The following KCNH8 variants were observed in gnomAD, a reference collection of about 807,000 sequenced individuals.
KCNH8 encodes the protein potassium voltage-gated channel subfamily H member 8, also known as voltage-gated delayed rectifier potassium channel KCNH8.
In KCNH8, 70 loss-of-function variants were observed where a neutral mutation model predicts 103.6. The observed-to-expected ratio is 0.68, with a 90% CI of 0.56 to 0.82. The LOEUF (loss-of-function observed/expected upper bound fraction) is 0.82. Ranked by LOEUF, KCNH8 falls within the 40% of genes least tolerant of loss-of-function variation. The pLI, the probability that KCNH8 is intolerant of heterozygous loss-of-function variation, is 0.00. For missense variants in KCNH8, 1,217 were observed against 1,329.9 expected (o/e 0.92, Z 1.32); for synonymous variants, 498 against 489.4 (o/e 1.02, Z -0.23).
chr3:19,380,228 T>C (rs1276201003), intron 5 of KCNH8, among the ~76,000 whole-genome samples: 2 of 152,206 alleles, frequency 1.3e-5, no homozygotes, highest in African/African-American at 2.4e-5. Flanking sequence ...GGATAAACTA[T>C]GTAAGAACCT....
intron 7 of KCNH8, among the ~76,000 whole-genome samples, chr3:19,405,384 T>G (rs555204663): frequency 2.0e-5 from 3 of 151,884 alleles, no homozygotes; most frequent in African/African-American, 7.2e-5. Flanking sequence ...TAATGTTTGA[T>G]AAGTTTTATA....
chr3:19,526,874 A>G (rs1005047411), intron 15 of KCNH8, among the ~76,000 whole-genome samples: 3 of 152,056 alleles, frequency 2.0e-5, no homozygotes, highest in African/African-American at 7.2e-5. Flanking sequence ...GCAATTCACT[A>G]TTCATTGAAT....
intron 7 of KCNH8, among the ~76,000 whole-genome samples, chr3:19,433,029 A>G (rs1453118991): frequency 2.6e-5 from 4 of 152,004 alleles, no homozygotes; most frequent in Non-Finnish European, 5.9e-5. Flanking sequence ...TTTTTTGTAC[A>G]CATGATGATG....
intron 5 of KCNH8, among the ~76,000 whole-genome samples, chr3:19,367,310 T>G (rs559599626): frequency 4.0e-5 from 6 of 151,172 alleles, no homozygotes; most frequent in African/African-American, 1.5e-4. Flanking sequence ...GGGTTAGGTT[T>G]CTATCATGCA....
chr3:19,501,456 G>T (rs536604842), intron 11 of KCNH8, among the ~76,000 whole-genome samples: 28 of 152,134 alleles, frequency 1.8e-4, no homozygotes, highest in South Asian at 8.3e-4. Context: ...TACCAAAGCC[G>T]GGCAGAGACA....
chr3:19,451,467 ATGGGGG>A, intron 10 of KCNH8, 63 bp downstream of exon 10: 1 of 1,502,032 alleles, frequency 6.7e-7, no homozygotes, highest in Non-Finnish European at 9.2e-7. Context: ...AGAAGATGAA[ATGGGGG>A]AAAAAACTGC....
At chr3:19,329,947 T>C (rs2065482305) in intron 3 of KCNH8, among the ~76,000 whole-genome samples, 1 of 151,806 alleles carries the variant, frequency 6.6e-6, no homozygotes, top group Non-Finnish European at 1.5e-5. Flanking sequence ...AACACTTGTA[T>C]TTGGAAACTC....
At chr3:19,269,824 GA>G (rs2064563084) in intron 2 of KCNH8, among the ~76,000 whole-genome samples, 1 of 152,102 alleles carries the variant, frequency 6.6e-6, no homozygotes, top group Non-Finnish European at 1.5e-5. Context: ...TTTTTCAAGT[GA>G]AGGAGAGTTA....
At chr3:19,404,808 T>G (rs575377397) in intron 7 of KCNH8, among the ~76,000 whole-genome samples, 1 of 152,082 alleles carries the variant, frequency 6.6e-6, no homozygotes, top group East Asian at 1.9e-4. Flanking sequence ...CCTAGTATCA[T>G]TTATCAAATA....
At chr3:19,347,167 A>G (rs2065740262) in intron 4 of KCNH8, among the ~76,000 whole-genome samples, 1 of 152,152 alleles carries the variant, frequency 6.6e-6, no homozygotes, top group Non-Finnish European at 1.5e-5. Flanking sequence ...CAACAGCCAC[A>G]GTGCAAAAAA....
chr3:19,395,900 G>A (rs2066509234), intron 7 of KCNH8, among the ~76,000 whole-genome samples: 1 of 152,014 alleles, frequency 6.6e-6, no homozygotes, highest in South Asian at 2.1e-4. Context: ...ATACATAGGA[G>A]TTTAAGGGAG....
At chr3:19,201,136 G>T (rs189861637) in intron 1 of KCNH8, among the ~76,000 whole-genome samples, 3 of 137,066 alleles carry the variant, frequency 2.2e-5, no homozygotes, top group Non-Finnish European at 3.1e-5. Flanking sequence ...GAAGGCTGAG[G>T]CATGAGAATC....
rs534240805 is a variant in KCNH8, at chr3:19,398,924, G to C, written c.1177+3613G>C. On this transcript the variant is annotated intron_variant, in intron 7 of 15. Coordinates refer to ENST00000328405, the MANE Select transcript of KCNH8 (RefSeq NM_144633.3). Reference sequence around the variant, plus strand: ...TTAAAAGTATTGCCTTTGCGGTTTAGTTTGGTGCTGGACAAAAATTATATG... The same window carrying C: ...TTAAAAGTATTGCCTTTGCGGTTTACTTTGGTGCTGGACAAAAATTATATG... 5.3e-5 allele frequency among the ~76,000 whole-genome samples: 8 copies of C among 152,104 alleles called. No individual in the cohort carries two copies. The South Asian group carries it at 8.3e-4, about 16-fold the overall frequency.
intron 2 of KCNH8, among the ~76,000 whole-genome samples, chr3:19,268,641 G>A (rs2064547332): frequency 6.6e-6 from 1 of 152,086 alleles, no homozygotes; most frequent in South Asian, 2.1e-4. Flanking sequence ...ATCCACATAA[G>A]AGATGATGGT....
chr3:19,262,119 T>G (rs907116402), intron 2 of KCNH8, among the ~76,000 whole-genome samples: 12 of 151,944 alleles, frequency 7.9e-5, no homozygotes, highest in Non-Finnish European at 1.8e-4. Flanking sequence ...ATATGAATTT[T>G]AGGATTATTT....
intron 11 of KCNH8, among the ~76,000 whole-genome samples, chr3:19,473,890 T>C (rs530087268): frequency 7.2e-6 from 1 of 139,096 alleles, no homozygotes; most frequent in African/African-American, 2.8e-5. Flanking sequence ...TACCTGTGGA[T>C]ATGGATATGT....
chr3:19,189,054 C>G (rs1235144748), intron 1 of KCNH8, among the ~76,000 whole-genome samples: 1 of 151,954 alleles, frequency 6.6e-6, no homozygotes, highest in Non-Finnish European at 1.5e-5. Context: ...TTCTAAAACC[C>G]TAGATATTGG....
intron 1 of KCNH8, among the ~76,000 whole-genome samples, chr3:19,211,753 T>C (rs2063773756): frequency 6.6e-6 from 1 of 152,200 alleles, no homozygotes; most frequent in Non-Finnish European, 1.5e-5. Context: ...ATCGCATTTA[T>C]TTTTTAGTTC....
chr3:19,266,038 C>T (rs1021092774), intron 2 of KCNH8, among the ~76,000 whole-genome samples: 2 of 152,024 alleles, frequency 1.3e-5, no homozygotes, highest in Non-Finnish European at 1.5e-5. Flanking sequence ...TCCTCACTGT[C>T]TCCAAAGCTG....
Sources: gnomAD v4.1 joint callset for allele counts (sites outside exome capture counted in the v4.1 genomes callset) on GRCh38, gnomAD v4.1.1 for gene constraint, MANE v1.5 for transcripts, NCBI Gene and HGNC (gene_info 2026-07-23, HGNC 2026-07-21) for gene names.